LUZP2: variants seen among roughly 807,000 people sequenced by gnomAD.
LUZP2 encodes leucine zipper protein 2.
In LUZP2, 52 loss-of-function variants were observed where a neutral mutation model predicts 51.6. The ratio of observed to expected loss-of-function variants is 1.01; its 90% CI spans 0.81 to 1.27. The LOEUF is 1.27. Ranked by LOEUF, LUZP2 falls within the 50% of genes most tolerant of loss-of-function variation. The probability of loss-of-function intolerance (pLI) is 0.00; values close to 1 mark genes in which losing one functional copy is unlikely to be tolerated. For synonymous variants in LUZP2, 154 were observed against 137.3 expected (o/e 1.12, Z -0.85); for missense variants, 436 against 395.4 (o/e 1.10, Z -0.87).
intron 5 of LUZP2, among the ~76,000 whole-genome samples, chr11:24,833,708 G>GCACACACACACA (rs748110770): frequency 7.7e-6 from 1 of 130,548 alleles, no homozygotes; most frequent in African/African-American, 3.2e-5. Context: ...GCCACCGCGC[G>GCACACACACACA]CGCGCACACA....
chr11:24,868,075 T>C (rs1851949587), intron 5 of LUZP2, among the ~76,000 whole-genome samples: 1 of 152,186 alleles, frequency 6.6e-6, no homozygotes, highest in African/African-American at 2.4e-5. Context: ...CATTTCTTAT[T>C]GTACCCTTCC....
intron 1 of LUZP2, among the ~76,000 whole-genome samples, chr11:24,584,453 A>G (rs1852988421): frequency 6.6e-6 from 1 of 152,166 alleles, no homozygotes; most frequent in Non-Finnish European, 1.5e-5. Flanking sequence ...AAACAGCTGG[A>G]TACTTTCCAT....
intron 7 of LUZP2, among the ~76,000 whole-genome samples, chr11:24,937,681 C>T (rs1213226766): frequency 6.6e-6 from 1 of 151,880 alleles, no homozygotes; most frequent in Non-Finnish European, 1.5e-5. Context: ...GTGGGCGGAT[C>T]ATGAGGTCAG....
intron 5 of LUZP2, among the ~76,000 whole-genome samples, chr11:24,796,183 G>A (rs961106553): frequency 6.6e-6 from 1 of 151,986 alleles, no homozygotes; most frequent in Non-Finnish European, 1.5e-5. Context: ...TACGTTTTAG[G>A]GGTCAAATTG....
chr11:24,903,933 T>C (rs527557473), intron 5 of LUZP2, among the ~76,000 whole-genome samples: 1 of 152,266 alleles, frequency 6.6e-6, no homozygotes, highest in Admixed American at 6.5e-5. Context: ...GAAGAAGAAA[T>C]GGCTTCTGAG....
intron 5 of LUZP2, among the ~76,000 whole-genome samples, chr11:24,826,067 T>C (rs906110308): frequency 3.4e-5 from 5 of 149,062 alleles, no homozygotes; most frequent in Admixed American, 1.3e-4. Context: ...CAGCTACTAC[T>C]CGGGAGGCTG....
chr11:24,796,236 C>T (rs1486209810), intron 5 of LUZP2, among the ~76,000 whole-genome samples: 1 of 151,962 alleles, frequency 6.6e-6, no homozygotes, highest in Non-Finnish European at 1.5e-5. Context: ...ATATGCAAAG[C>T]AAGTTCTATT....
intron 9 of LUZP2, among the ~76,000 whole-genome samples, chr11:24,997,769 T>C (rs558607798): frequency 2.0e-5 from 3 of 152,336 alleles, no homozygotes; most frequent in East Asian, 1.9e-4. Flanking sequence ...CATTTAAGTC[T>C]TTAATCCATC....
At chr11:24,571,587 A>C (rs911808204) in intron 1 of LUZP2, among the ~76,000 whole-genome samples, 3 of 152,084 alleles carry the variant, frequency 2.0e-5, no homozygotes, top group East Asian at 3.8e-4. Context: ...TAATCCAGTT[A>C]TTAAGTGTCA....
chr11:24,766,605 T>G (rs574521244), intron 5 of LUZP2, among the ~76,000 whole-genome samples: 1 of 152,296 alleles, frequency 6.6e-6, no homozygotes, highest in South Asian at 2.1e-4. Context: ...AAAATCTGCA[T>G]CAAATTTTAA....
At chr11:24,621,551 G>A (rs1047143925) in intron 1 of LUZP2, among the ~76,000 whole-genome samples, 1 of 152,146 alleles carries the variant, frequency 6.6e-6, no homozygotes, top group Non-Finnish European at 1.5e-5. Flanking sequence ...AAATTCAAAT[G>A]TCACTGAATT....
chr11:24,996,190 T>G (rs1330315320), intron 9 of LUZP2, among the ~76,000 whole-genome samples: 1 of 151,756 alleles, frequency 6.6e-6, no homozygotes, highest in Non-Finnish European at 1.5e-5. Flanking sequence ...ATTTTTCTTC[T>G]TCTTGACATG....
intron 1 of LUZP2, among the ~76,000 whole-genome samples, chr11:24,606,723 T>G (rs1853931010): frequency 6.6e-6 from 1 of 152,034 alleles, no homozygotes; most frequent in South Asian, 2.1e-4. Flanking sequence ...TGAGGAAACT[T>G]CATACTGTTT....
intron 5 of LUZP2, among the ~76,000 whole-genome samples, chr11:24,803,251 G>A (rs572041517): frequency 6.6e-6 from 1 of 152,112 alleles, no homozygotes; most frequent in South Asian, 2.1e-4. Flanking sequence ...TGGCTAAGTA[G>A]CTGGTGAGAA....
chr11:24,993,405 C>T (rs574208186), intron 9 of LUZP2, among the ~76,000 whole-genome samples: 1 of 152,274 alleles, frequency 6.6e-6, no homozygotes, highest in South Asian at 2.1e-4. Flanking sequence ...CATCTTTCCT[C>T]TAGGTATTCT....
At chr11:24,974,807 A>C (rs1855839709) in intron 7 of LUZP2, among the ~76,000 whole-genome samples, 1 of 152,122 alleles carries the variant, frequency 6.6e-6, no homozygotes, top group South Asian at 2.1e-4. Flanking sequence ...AAATAAGGCC[A>C]GTATATCCAA....
At chr11:24,502,114 A>G (rs1026689743) in intron 1 of LUZP2, among the ~76,000 whole-genome samples, 15 of 140,416 alleles carry the variant, frequency 1.1e-4, no homozygotes, top group African/African-American at 4.6e-4. Context: ...CCGTGGAAAC[A>G]GTTTAGCATA....
chr11:25,052,009 A>G (rs995760555), intron 10 of LUZP2, among the ~76,000 whole-genome samples: 28 of 152,076 alleles, frequency 1.8e-4, no homozygotes, highest in African/African-American at 6.8e-4. Flanking sequence ...AGCAGATACT[A>G]TCTGTTTCTG....
rs529521063 is a variant in LUZP2, at chr11:24,942,510, G to A, written c.522+27972G>A. The stretch of plus-strand genomic sequence containing the variant: ...TCATTTGTATATCCTCTTTGTTGAA[G>A]TGGCTGTTCACGTGTTTTTCTCCTT... On this transcript the variant is annotated intron_variant, in intron 7 of 11. Transcript: ENST00000336930. Among the ~76,000 whole-genome samples the A allele has an allele frequency of 7.9e-5, 12 of 152,258 alleles. No homozygotes were observed. The South Asian group carries it at 2.5e-3, about 32-fold the overall frequency.
Sources: allele counts gnomAD v4.1 joint callset (sites outside exome capture counted in the v4.1 genomes callset), GRCh38; gene constraint gnomAD v4.1.1; transcripts MANE v1.5; gene names NCBI Gene and HGNC (gene_info 2026-07-23, HGNC 2026-07-21).